Variants in AJAP1 observed in about 807,000 individuals in gnomAD.
AJAP1 encodes the protein adherens junction-associated protein 1.
Under a neutral mutation model 35.0 loss-of-function variants are expected in AJAP1, and 5 were observed. The ratio of observed to expected loss-of-function variants is 0.14; its 90% CI spans 0.07 to 0.30. The LOEUF is 0.30. AJAP1 is among the 10% of genes least tolerant of loss of function. The pLI is 1.00. For missense variants in AJAP1, 586 were observed against 571.0 expected, an observed-to-expected ratio of 1.03 and a Z score of -0.27; for synonymous variants, 284 against 249.3, an observed-to-expected ratio of 1.14 and a Z score of -1.31.
chr1:4,712,819 G>A (rs1204454492), intron 2 of AJAP1, 120 bp downstream of exon 2: 2 of 1,089,640 alleles, frequency 1.8e-6, no homozygotes, highest in Admixed American at 5.3e-5. Flanking sequence ...GGAGATGCAG[G>A]CGTGATGTGT....
chr1:4,710,580 ACT>A (rs1427542860), intron 1 of AJAP1, among the ~76,000 whole-genome samples: 27 of 150,962 alleles, frequency 1.8e-4, no homozygotes, highest in African/African-American at 6.3e-4. Flanking sequence ...ATAAAGAAAA[ACT>A]CTACCCAACC....
At chr1:4,715,744 T>G (rs776097702) in intron 2 of AJAP1, among the ~76,000 whole-genome samples, 1 of 152,220 alleles carries the variant, frequency 6.6e-6, no homozygotes, top group Non-Finnish European at 1.5e-5. Context: ...GGATGAACAC[T>G]GAGCATAAAA....
At chr1:4,713,206 A>G (rs2071999) in intron 2 of AJAP1, among the ~76,000 whole-genome samples, 2,324 of 152,152 alleles carry the variant, frequency 0.015, 56 homozygotes, top group African/African-American at 0.053. Context: ...TGACCTCGGT[A>G]GAGGATTAGG....
At position 4,786,534 on chromosome 1, in the gene AJAP1, T is replaced by C. The variant is rs1642163822; in HGVS notation, c.*4049T>C. 6.6e-6 allele frequency: 1 copy of C among 152,182 alleles called. No individual in the cohort carries two copies. Among genetic ancestry groups the C allele is most frequent in the Admixed American group, 6.5e-5 (1 of 15,284 alleles). 9.4% of individuals were successfully genotyped at this position (152,182 alleles called of 1,614,324 possible). A position where few individuals can be genotyped will look rare whatever the true frequency, so the allele number is the denominator to read the frequency against. On this transcript the variant is annotated 3_prime_UTR_variant, in exon 6 of 6. Transcript: ENST00000378191. ...TCAGGAAAAGCCATGCTTAGAGGGA[T>C]TGGTCTTCAAAATTTTGTGTGTGAT...
intron 2 of AJAP1, among the ~76,000 whole-genome samples, chr1:4,762,428 G>T (rs1469257650): frequency 1.3e-5 from 2 of 152,216 alleles, no homozygotes; most frequent in South Asian, 2.1e-4. Flanking sequence ...CTTCAGAGGG[G>T]CTGGAGACTG....
chr1:4,750,179 T>C (rs1019479945), intron 2 of AJAP1, among the ~76,000 whole-genome samples: 2 of 152,184 alleles, frequency 1.3e-5, no homozygotes, highest in African/African-American at 4.8e-5. Context: ...TTTGTGTGTA[T>C]GTGTGCATGC....
At chr1:4,726,950 T>C (rs1040402249) in intron 2 of AJAP1, among the ~76,000 whole-genome samples, 9 of 152,190 alleles carry the variant, frequency 5.9e-5, no homozygotes, top group Admixed American at 3.3e-4. Flanking sequence ...GCTTGTCCCC[T>C]CTGTGTCCTC....
At chr1:4,711,406 G>A (rs1332221580) in intron 1 of AJAP1, among the ~76,000 whole-genome samples, 1 of 152,200 alleles carries the variant, frequency 6.6e-6, no homozygotes, top group Non-Finnish European at 1.5e-5. Context: ...AGTGGGCGGG[G>A]GGTGGCCTGG....
chr1:4,771,005 G>A (rs1046598979), intron 3 of AJAP1, among the ~76,000 whole-genome samples: 1 of 152,074 alleles, frequency 6.6e-6, no homozygotes, highest in African/African-American at 2.4e-5. Context: ...TGGACCCCTG[G>A]ACTGTGTGGG....
chr1:4,708,588 G>A (rs547536356), intron 1 of AJAP1, among the ~76,000 whole-genome samples: 2 of 152,352 alleles, frequency 1.3e-5, no homozygotes, highest in East Asian at 1.9e-4. Context: ...CCCAAGGGAT[G>A]AGGACAGAGA....
rs2100383960 is a variant in AJAP1 at position 4,787,466 on chromosome 1, G to T, written c.*4981G>T. ...GCTGCTTGAGGGTTGGTCTGGTGTT[G>T]GATGGAGGAAGAAGGCCTTAGTCTT... On this transcript the variant is annotated 3_prime_UTR_variant, in exon 6 of 6. Coordinates refer to ENST00000378191, the MANE Select transcript of AJAP1 (RefSeq NM_018836.4). The T allele has an allele frequency of 3.3e-6, 1 of 299,074 alleles. No individual in the cohort carries two copies. The highest frequency in any genetic ancestry group is 6.7e-6 in the Non-Finnish European group (1 of 150,178). The allele number at this position is 299,074 out of a possible 1,614,324, so 18.5% of individuals were successfully genotyped here.
At chr1:4,733,140 C>T (rs1640839097) in intron 2 of AJAP1, among the ~76,000 whole-genome samples, 2 of 152,170 alleles carry the variant, frequency 1.3e-5, no homozygotes, top group Non-Finnish European at 2.9e-5. Flanking sequence ...GCCCCCACCC[C>T]AGACCCCCTT....
At position 4,677,546 on chromosome 1, in the gene AJAP1, G is replaced by A. The variant is rs899412614; in HGVS notation, c.29+22092G>A. On this transcript the variant is annotated intron_variant, in intron 1 of 5. Coordinates refer to ENST00000378191, the MANE Select transcript of AJAP1 (RefSeq NM_018836.4). Reference sequence around the variant, plus strand: ...CCTCTCTCTGGGTCCACTCTGTGACGCCAAGCAGATGACAGAGAAGGGATT... The same window carrying A: ...CCTCTCTCTGGGTCCACTCTGTGACACCAAGCAGATGACAGAGAAGGGATT... Among the ~76,000 whole-genome samples, 11 of 151,848 alleles carry A rather than the reference G, an allele frequency of 7.2e-5. No individual in the cohort carries two copies. The South Asian group carries it at 1.0e-3, about 14-fold the overall frequency.
intron 2 of AJAP1, among the ~76,000 whole-genome samples, chr1:4,765,100 G>T (rs1177779026): frequency 6.6e-6 from 1 of 152,186 alleles, no homozygotes; most frequent in Non-Finnish European, 1.5e-5. Flanking sequence ...GCGATTAACA[G>T]AAGCAGAAAA....
intron 1 of AJAP1, 140 bp from the exon 2 acceptor site, chr1:4,711,760 C>T: frequency 1.6e-6 from 1 of 628,702 alleles, no homozygotes; most frequent in Non-Finnish European, 2.6e-6. Flanking sequence ...TTTCGGATTC[C>T]CTTTTGAAGT....
rs377359328 is a variant in AJAP1 at position 4,666,923 on chromosome 1, G to A, written c.29+11469G>A. Among the ~76,000 whole-genome samples the A allele has an allele frequency of 2.5e-3, 365 of 147,550 alleles. 16 individuals are homozygous for A. The highest frequency in any genetic ancestry group is 8.9e-3 in the African/African-American group (343 of 38,586). On this transcript the variant is annotated intron_variant, in intron 1 of 5. Coordinates refer to ENST00000378191, the MANE Select transcript of AJAP1 (RefSeq NM_018836.4). ...TTATGGAGAGGGACCCGTGAATCAC[G>A]AGAGGGGTGCGGAGAGGGGCCCATG...
At chr1:4,775,991 G>T (rs1641932838) in intron 5 of AJAP1, among the ~76,000 whole-genome samples, 1 of 152,234 alleles carries the variant, frequency 6.6e-6, no homozygotes, top group South Asian at 2.1e-4. Flanking sequence ...ACTGGGTCCT[G>T]ATGGTTGCCA....
chr1:4,757,729 G>A (rs576076105), intron 2 of AJAP1, among the ~76,000 whole-genome samples: 1 of 152,332 alleles, frequency 6.6e-6, no homozygotes, highest in South Asian at 2.1e-4. Flanking sequence ...TGGGGACACT[G>A]CTTGCTTTTG....
chr1:4,719,898 T>C (rs541227067), intron 2 of AJAP1, among the ~76,000 whole-genome samples: 3 of 152,292 alleles, frequency 2.0e-5, no homozygotes, highest in African/African-American at 7.2e-5. Flanking sequence ...GTGGTCTATG[T>C]ACACAGGCAA....
Sources: gnomAD v4.1 joint callset for allele counts (sites outside exome capture counted in the v4.1 genomes callset) on GRCh38, gnomAD v4.1.1 for gene constraint, MANE v1.5 for transcripts, NCBI Gene and HGNC (gene_info 2026-07-23, HGNC 2026-07-21) for gene names.